CDK6: variants seen among roughly 807,000 people sequenced by gnomAD.
The protein encoded by CDK6 is cyclin dependent kinase 6, also known as cyclin-dependent kinase 6.
CDK6 carries 6 observed loss-of-function variants against 37.1 expected under a neutral mutation model. The observed-to-expected ratio is 0.16, with a 90% CI of 0.09 to 0.32. The LOEUF (loss-of-function observed/expected upper bound fraction) is 0.32. CDK6 is among the 10% of genes least tolerant of loss of function. The pLI, the probability that CDK6 is intolerant of heterozygous loss-of-function variation, is 1.00. For synonymous variants in CDK6, 160 were observed against 161.3 expected, an observed-to-expected ratio of 0.99 and a Z score of 0.06; for missense variants, 224 against 418.9, an observed-to-expected ratio of 0.53 and a Z score of 4.06.
At chr7:92,675,688 ACAATCT>A (rs1320067837) in intron 4 of CDK6, among the ~76,000 whole-genome samples, 2 of 152,194 alleles carry the variant, frequency 1.3e-5, no homozygotes, top group African/African-American at 4.8e-5. Flanking sequence ...TGAGGGTCAA[ACAATCT>A]CGCTCATAGA....
intron 5 of CDK6, among the ~76,000 whole-genome samples, chr7:92,639,753 G>A (rs1008416268): frequency 6.6e-6 from 1 of 152,098 alleles, no homozygotes; most frequent in African/African-American, 2.4e-5. Flanking sequence ...CTGGAAGCCT[G>A]GCACCATTGG....
intron 5 of CDK6, among the ~76,000 whole-genome samples, chr7:92,635,508 A>G (rs916078548): frequency 3.3e-5 from 5 of 152,196 alleles, no homozygotes; most frequent in Non-Finnish European, 7.3e-5. Flanking sequence ...ACACAAAATA[A>G]TAAACCATGT....
chr7:92,686,505 T>C (rs1340570473), intron 4 of CDK6, among the ~76,000 whole-genome samples: 1 of 152,134 alleles, frequency 6.6e-6, no homozygotes, highest in South Asian at 2.1e-4. Context: ...AATATATATA[T>C]ACCACATTTT....
At chr7:92,802,152 A>G (rs1800596432) in intron 2 of CDK6, among the ~76,000 whole-genome samples, 1 of 151,758 alleles carries the variant, frequency 6.6e-6, no homozygotes, top group African/African-American at 2.4e-5. Context: ...GCACCCATCA[A>G]ACAACCTCTG....
intron 4 of CDK6, among the ~76,000 whole-genome samples, chr7:92,714,652 T>C (rs1222141608): frequency 6.6e-6 from 1 of 152,218 alleles, no homozygotes; most frequent in Non-Finnish European, 1.5e-5. Flanking sequence ...TCTTGATCTT[T>C]CATCCATTCT....
chr7:92,836,054 CAGCATG>C (rs1801663181), intron 1 of CDK6, among the ~76,000 whole-genome samples: 1 of 152,174 alleles, frequency 6.6e-6, no homozygotes, highest in Admixed American at 6.5e-5. Flanking sequence ...GCACATTCTC[CAGCATG>C]GAGTCCCTAG....
intron 4 of CDK6, among the ~76,000 whole-genome samples, chr7:92,675,857 A>G (rs1434291996): frequency 6.6e-6 from 1 of 152,176 alleles, no homozygotes; most frequent in Non-Finnish European, 1.5e-5. Flanking sequence ...TTAAAAATGT[A>G]TTGACTTAAA....
At chr7:92,697,238 A>C (rs544677514) in intron 4 of CDK6, among the ~76,000 whole-genome samples, 1 of 152,226 alleles carries the variant, frequency 6.6e-6, no homozygotes, top group African/African-American at 2.4e-5. Context: ...CTATTGTGGA[A>C]GTCAATGGTG....
chr7:92,733,408 G>T (rs893936880), intron 3 of CDK6, among the ~76,000 whole-genome samples: 2 of 152,112 alleles, frequency 1.3e-5, no homozygotes, highest in Non-Finnish European at 2.9e-5. Flanking sequence ...TCAGAACTTT[G>T]ACTTCTTTAA....
At chr7:92,690,029 T>C (rs1339312550) in intron 4 of CDK6, among the ~76,000 whole-genome samples, 1 of 152,130 alleles carries the variant, frequency 6.6e-6, no homozygotes, top group Non-Finnish European at 1.5e-5. Flanking sequence ...AGACCTTTGT[T>C]GGATGCACAG....
intron 5 of CDK6, among the ~76,000 whole-genome samples, chr7:92,662,318 G>A (rs1185051413): frequency 6.6e-6 from 1 of 152,080 alleles, no homozygotes; most frequent in Admixed American, 6.6e-5. Context: ...TGGGTTGGGG[G>A]TGTGGAAGTA....
intron 2 of CDK6, among the ~76,000 whole-genome samples, chr7:92,800,562 T>C (rs1800544683): frequency 6.6e-6 from 1 of 152,208 alleles, no homozygotes; most frequent in Non-Finnish European, 1.5e-5. Context: ...CCCACTAGGT[T>C]ATAAACTCAC....
intron 5 of CDK6, among the ~76,000 whole-genome samples, chr7:92,670,549 T>C (rs568481421): frequency 6.6e-6 from 1 of 152,372 alleles, no homozygotes; most frequent in African/African-American, 2.4e-5. Flanking sequence ...AGGTTCTCTG[T>C]TTAATTTAGA....
intron 3 of CDK6, among the ~76,000 whole-genome samples, chr7:92,733,137 C>A (rs181930949): frequency 6.6e-6 from 1 of 152,270 alleles, no homozygotes; most frequent in East Asian, 1.9e-4. Flanking sequence ...CCATGATTCA[C>A]CCCAGGGTGA....
rs550111771 is a variant in CDK6 at position 92,674,572 on chromosome 7, T to C, written c.538-3037A>G. Among the ~76,000 whole-genome samples the C allele has an allele frequency of 2.6e-5, 4 of 152,292 alleles. No homozygotes were observed. The South Asian group carries it at 6.2e-4, about 24-fold the overall frequency. On this transcript the variant is annotated intron_variant, in intron 4 of 7. Coordinates refer to ENST00000424848, the MANE Select transcript of CDK6 (RefSeq NM_001145306.2). ...AGAGTGTCCAATACTGGGGTCTAGT[T>C]TTAGTTACATTACTTGTTTCTGCTT...
Position 92,705,715 on chromosome 7 carries a change from T to A in CDK6, c.537+19911A>T, listed in dbSNP as rs184002428. 2.2e-3 allele frequency among the ~76,000 whole-genome samples: 340 copies of A among 152,330 alleles called. 1 individual carries two copies. Among genetic ancestry groups the A allele is most frequent in the African/African-American group, 8.0e-3 (332 of 41,568 alleles). On this transcript the variant is annotated intron_variant, in intron 4 of 7. Coordinates refer to ENST00000424848, the MANE Select transcript of CDK6 (RefSeq NM_001145306.2). Reference sequence around the variant, plus strand: ...TGAAAAAAGCCAGGGTACGTTTTCTTTGGAGATGGTACTGTGGCTTAACTG... The same window carrying A: ...TGAAAAAAGCCAGGGTACGTTTTCTATGGAGATGGTACTGTGGCTTAACTG...
chr7:92,630,056 G>C (rs1463491262), intron 5 of CDK6, among the ~76,000 whole-genome samples: 1 of 152,062 alleles, frequency 6.6e-6, no homozygotes, highest in Non-Finnish European at 1.5e-5. Context: ...TTGGGGGTTA[G>C]GGCTTCAATG....
intron 5 of CDK6, among the ~76,000 whole-genome samples, chr7:92,643,876 A>C (rs1796377155): frequency 6.6e-6 from 1 of 152,268 alleles, no homozygotes; most frequent in African/African-American, 2.4e-5. Context: ...ATAAGAGGAA[A>C]GGTCTTTGTG....
chr7:92,605,686 G>A lies in CDK6; in HGVS notation c.*9454C>T. The A allele has an allele frequency of 4.3e-6, 1 of 233,306 alleles. No individual in the cohort carries two copies. The highest frequency in any genetic ancestry group is 8.5e-6 in the Non-Finnish European group (1 of 118,104). 14.5% of individuals were successfully genotyped at this position (233,306 alleles called of 1,614,324 possible). Reference sequence around the variant, plus strand: ...TCTTTCTTCTTCTTTTGCTTCAAGAGGGCTTTCTGTGTGTAATGGAGGGAT... The same window carrying A: ...TCTTTCTTCTTCTTTTGCTTCAAGAAGGCTTTCTGTGTGTAATGGAGGGAT... On this transcript the variant is annotated 3_prime_UTR_variant, in exon 8 of 8. Coordinates refer to ENST00000424848, the MANE Select transcript of CDK6 (RefSeq NM_001145306.2).
Sources: gnomAD v4.1 joint callset for allele counts (sites outside exome capture counted in the v4.1 genomes callset) on GRCh38, gnomAD v4.1.1 for gene constraint, MANE v1.5 for transcripts, NCBI Gene and HGNC (gene_info 2026-07-23, HGNC 2026-07-21) for gene names.